The following DNAH12 variants were observed in gnomAD, a reference collection of about 807,000 sequenced individuals.
DNAH12 encodes the protein axonemal beta dynein heavy chain 12.
In DNAH12, 285 loss-of-function variants were observed where a neutral mutation model predicts 371.5. The observed-to-expected ratio is 0.77, with a 90% confidence interval of 0.70 to 0.85. DNAH12 has a LOEUF of 0.85. Ranked by LOEUF, DNAH12 falls within the 40% of genes least tolerant of loss-of-function variation. The pLI is 0.00. For synonymous variants in DNAH12, 1,200 were observed against 1,213.0 expected (o/e 0.99, Z 0.22); for missense variants, 3,611 against 3,689.4 (o/e 0.98, Z 0.55).
At chr3:57,404,922 A>T (rs2063979003) in intron 42 of DNAH12, 47 bp downstream of exon 42, 2 of 1,414,086 alleles carry the variant, frequency 1.4e-6, no homozygotes. Flanking sequence ...TTTCATAATA[A>T]CATTTTACAG....
chr3:57,436,818 G>A, intron 30 of DNAH12, 133 bp downstream of exon 30: 1 of 579,798 alleles, frequency 1.7e-6, no homozygotes, highest in Non-Finnish European at 2.9e-6. Context: ...TAAGCCACTG[G>A]GGGGCCAGGG....
At chr3:57,333,233 A>G (rs951783209) in intron 62 of DNAH12, among the ~76,000 whole-genome samples, 4 of 150,182 alleles carry the variant, frequency 2.7e-5, no homozygotes, top group Non-Finnish European at 4.4e-5. Flanking sequence ...CCGAGCTCGA[A>G]CTCCTGACCT....
At position 57,314,641 on chromosome 3, in the gene DNAH12, A is replaced by G. The variant is rs749999091; in HGVS notation, c.10525-10T>C. The G allele has an allele frequency of 9.9e-5, 151 of 1,526,234 alleles. 1 individual carries two copies. The highest frequency in any genetic ancestry group is 1.1e-4 in the Non-Finnish European group (127 of 1,140,868). 94.5% of individuals were successfully genotyped at this position (1,526,234 alleles called of 1,614,324 possible). On this transcript the variant is annotated splice_polypyrimidine_tract_variant and intron_variant, in intron 65 of 73. Coordinates refer to ENST00000495027, the MANE Select transcript of DNAH12 (RefSeq NM_001366028.2). ...GTAACTTCTCCCAGGCCTTTAATAT[A>G]AAAAGTACATAACAAGAAAAAAAAT...
Position 57,337,903 on chromosome 3 carries a change from T to C in DNAH12, c.9675-2963A>G, listed in dbSNP as rs140393031. Among the ~76,000 whole-genome samples, 554 of 152,280 alleles carry C rather than the reference T, an allele frequency of 3.6e-3. 5 individuals carry two copies. The highest frequency in any genetic ancestry group is 0.013 in the African/African-American group (529 of 41,566). ...TAGAAGACATTTACAGAACATTTCA[T>C]AGTACTTGCAGAATACACATTCTCT... On this transcript the variant is annotated intron_variant, in intron 60 of 73. Transcript: ENST00000495027.
chr3:57,492,501 T>A (rs1038633720), intron 11 of DNAH12, among the ~76,000 whole-genome samples: 1 of 152,082 alleles, frequency 6.6e-6, no homozygotes, highest in African/African-American at 2.4e-5. Flanking sequence ...TAAGTTCATC[T>A]GTACAGATGT....
At chr3:57,386,047 C>T (rs956640978) in intron 47 of DNAH12, among the ~76,000 whole-genome samples, 3 of 152,148 alleles carry the variant, frequency 2.0e-5, no homozygotes, top group South Asian at 2.1e-4. Context: ...CTATTACTTA[C>T]GTTGAACTAA....
chr3:57,519,718 C>A, intron 4 of DNAH12: 1 of 1,611,230 alleles, frequency 6.2e-7, no homozygotes, highest in Non-Finnish European at 8.5e-7. Context: ...GAGAGGGCAG[C>A]GATTGTTCTG....
chr3:57,494,688 C>T (rs1173849161), intron 11 of DNAH12, among the ~76,000 whole-genome samples: 1 of 152,138 alleles, frequency 6.6e-6, no homozygotes, highest in Non-Finnish European at 1.5e-5. Flanking sequence ...AAGACAATCA[C>T]TATTACACAT....
At chr3:57,365,156 C>T (rs1291430648) in intron 57 of DNAH12, among the ~76,000 whole-genome samples, 5 of 152,266 alleles carry the variant, frequency 3.3e-5, no homozygotes, top group East Asian at 3.9e-4. Context: ...GGTACATGCA[C>T]GTGTATGTTC....
At chr3:57,446,313 G>A (rs1170563823) in intron 26 of DNAH12, 43 bp from the exon 27 acceptor site, 7 of 1,522,714 alleles carry the variant, frequency 4.6e-6, no homozygotes, top group Admixed American at 2.2e-5. Flanking sequence ...TCTCAGGAAA[G>A]GATATCATCT....
chr3:57,436,835 C>T lies in DNAH12; in HGVS notation c.4655+116G>A, dbSNP rs72869819. On this transcript the variant is annotated intron_variant, in intron 30 of 73. Transcript: ENST00000495027. ...AGCCACTGGGGGGCCAGGGGGCGGG[C>T]GGGGGTTGCTCTCAACTCACCTAAT... is the stretch of plus-strand genomic sequence containing the variant. 16,083 of 647,812 alleles carry T rather than the reference C, an allele frequency of 0.025. 2,070 individuals carry two copies. In the African/African-American group the frequency reaches 0.28, roughly 11 times the overall value. 40.1% of individuals were successfully genotyped at this position (647,812 alleles called of 1,614,324 possible).
At chr3:57,456,854 A>G (rs1328397002) in intron 22 of DNAH12, among the ~76,000 whole-genome samples, 1 of 152,100 alleles carries the variant, frequency 6.6e-6, no homozygotes. Flanking sequence ...CCTAAAAGTG[A>G]TTTTTGAGAA....
upstream of DNAH12, among the ~76,000 whole-genome samples, chr3:57,546,809 G>A (rs534738215): frequency 6.6e-6 from 1 of 152,092 alleles, no homozygotes; most frequent in African/African-American, 2.4e-5. Context: ...ATTGATCTAA[G>A]AAGATTATCC....
intron 32 of DNAH12, among the ~76,000 whole-genome samples, chr3:57,431,146 G>A (rs906243942): frequency 1.3e-5 from 2 of 152,126 alleles, no homozygotes; most frequent in Non-Finnish European, 2.9e-5. Flanking sequence ...AATTTGAAAG[G>A]TAGGGTCAGC....
chr3:57,460,247 GC>G (rs2066017921), intron 19 of DNAH12, among the ~76,000 whole-genome samples: 1 of 152,188 alleles, frequency 6.6e-6, no homozygotes, highest in East Asian at 1.9e-4. Flanking sequence ...GTAGAAGACA[GC>G]CCCCATCACA....
intron 32 of DNAH12, 93 bp from the exon 33 acceptor site, chr3:57,429,867 T>A: frequency 9.7e-7 from 1 of 1,035,100 alleles, no homozygotes; most frequent in Non-Finnish European, 1.4e-6. Flanking sequence ...GTAGCTCCTG[T>A]GATATAATGG....
intron 59 of DNAH12, among the ~76,000 whole-genome samples, chr3:57,354,588 T>G (rs2062756139): frequency 6.7e-6 from 1 of 149,938 alleles, no homozygotes; most frequent in African/African-American, 2.5e-5. Context: ...AAACAGCTGC[T>G]ACATAACCCA....
upstream of DNAH12, among the ~76,000 whole-genome samples, chr3:57,544,635 T>A (rs2069442819): frequency 6.6e-6 from 1 of 152,140 alleles, no homozygotes; most frequent in Admixed American, 6.5e-5. Context: ...ATGGAAACAC[T>A]CTCAGCAAGA....
rs1040695467 is a variant in DNAH12, at chr3:57,446,577, A to C, written c.3899T>G (p.Phe1300Cys). The C allele has an allele frequency of 2.6e-6, 4 of 1,548,632 alleles. No individual in the cohort carries two copies. Among genetic ancestry groups the C allele is most frequent in the Non-Finnish European group, 3.5e-6 (4 of 1,145,702 alleles). The change falls in exon 26 of 74, where the codon TTC becomes TGC. Residue 1300 changes from phenylalanine to cysteine, a missense_variant. Phe to Cys is a radical substitution (Grantham distance 205). Coordinates refer to ENST00000495027, the MANE Select transcript of DNAH12 (RefSeq NM_001366028.2). ...ATAATCTAGCCCATCAGAACAGTTG[A>C]ACACCACACACTGTACAGCAAGAGC... ...AKALAVQCVV[F>C]NCSDGLDYLA...
Sources: gnomAD v4.1 joint callset for allele counts (sites outside exome capture counted in the v4.1 genomes callset) on GRCh38, gnomAD v4.1.1 for gene constraint, MANE v1.5 for transcripts, NCBI Gene and HGNC (gene_info 2026-07-23, HGNC 2026-07-21) for gene names.